RAD23B: variants seen among roughly 807,000 people sequenced by gnomAD.
The protein encoded by RAD23B is lysine-specific demethylase RAD23B.
RAD23B carries 5 observed loss-of-function variants against 49.1 expected under a neutral mutation model. The observed-to-expected ratio is 0.10, with a 90% confidence interval of 0.05 to 0.21. RAD23B has a LOEUF of 0.21. RAD23B is among the 10% of genes least tolerant of loss of function. The probability of loss-of-function intolerance (pLI) is 1.00; values close to 1 mark genes in which losing one functional copy is unlikely to be tolerated. For synonymous variants in RAD23B, 184 were observed against 165.4 expected, an observed-to-expected ratio of 1.11 and a Z score of -0.86; for missense variants, 356 against 486.7, an observed-to-expected ratio of 0.73 and a Z score of 2.53.
chr9:107,325,188 C>G (rs950351668), intron 9 of RAD23B, 184 bp downstream of exon 9: 2 of 426,854 alleles, frequency 4.7e-6, no homozygotes, highest in African/African-American at 4.1e-5. Flanking sequence ...GTGGCACATA[C>G]CTGTAATCTC....
At chr9:107,301,468 A>T (rs1826651245) in intron 2 of RAD23B, among the ~76,000 whole-genome samples, 1 of 152,176 alleles carries the variant, frequency 6.6e-6, no homozygotes, top group South Asian at 2.1e-4. Flanking sequence ...TAATCAATAC[A>T]TTTGTAAAAA....
intron 2 of RAD23B, among the ~76,000 whole-genome samples, chr9:107,300,867 T>TTC (rs1826636722): frequency 6.6e-6 from 1 of 152,230 alleles, no homozygotes. Flanking sequence ...TCTTCTCTTT[T>TTC]TCTGAATAGT....
intron 3 of RAD23B, among the ~76,000 whole-genome samples, chr9:107,305,069 G>C (rs1052462953): frequency 1.3e-5 from 2 of 152,042 alleles, no homozygotes; most frequent in African/African-American, 4.8e-5. Context: ...TGGGCGGATC[G>C]CTTGAGCTCA....
Position 107,330,592 on chromosome 9 carries a change from C to G in RAD23B, c.*936C>G, listed in dbSNP as rs1827288900. 3 of 152,598 alleles carry G rather than the reference C, an allele frequency of 2.0e-5. No individual in the cohort carries two copies. The highest frequency in any genetic ancestry group is 1.3e-4 in the Admixed American group (2 of 15,280). The allele number at this position is 152,598 out of a possible 1,614,324, so 9.5% of individuals were successfully genotyped here. A position where few individuals can be genotyped will look rare whatever the true frequency, so the allele number is the denominator to read the frequency against. On this transcript the variant is annotated 3_prime_UTR_variant, in exon 10 of 10. Coordinates refer to ENST00000358015, the MANE Select transcript of RAD23B (RefSeq NM_002874.5). The surrounding 1 kb of genome is among the most constrained non-coding windows in gnomAD (Gnocchi z 4.4). ...CAGCAAGTCGTGAGTCAAACTGCTG[C>G]CTTTTAAAAAACCCACAAAATGCTG...
chr9:107,283,869 G>A (rs1272115922), intron 1 of RAD23B, among the ~76,000 whole-genome samples, 174 bp downstream of exon 1: 1 of 152,204 alleles, frequency 6.6e-6, no homozygotes, highest in African/African-American at 2.4e-5. Flanking sequence ...TCCTGTCTTG[G>A]CCGTGGGCTT....
At chr9:107,313,720 C>G (rs2133086951) in intron 5 of RAD23B, among the ~76,000 whole-genome samples, 1 of 152,310 alleles carries the variant, frequency 6.6e-6, no homozygotes. Context: ...AACTAGAAAA[C>G]TTTAGAACCT....
chr9:107,283,788 A>C, intron 1 of RAD23B, 93 bp downstream of exon 1: 1 of 1,197,094 alleles, frequency 8.4e-7, no homozygotes, highest in African/African-American at 1.6e-5. Flanking sequence ...CCAGCGGGGG[A>C]AGCCCCGGAG....
intron 5 of RAD23B, among the ~76,000 whole-genome samples, chr9:107,315,508 TTTTTG>T (rs970007692): frequency 2.4e-4 from 36 of 152,102 alleles, no homozygotes; most frequent in African/African-American, 3.9e-4. Flanking sequence ...GTTTTTGTTT[TTTTTG>T]TTTTGTTTTG....
intron 5 of RAD23B, among the ~76,000 whole-genome samples, chr9:107,316,617 A>G (rs1827003736): frequency 1.3e-5 from 2 of 152,174 alleles, no homozygotes; most frequent in African/African-American, 4.8e-5. Flanking sequence ...CATTATTTTA[A>G]GCAAGATATC....
chr9:107,295,584 C>A (rs1188027542), intron 1 of RAD23B, among the ~76,000 whole-genome samples: 1 of 152,132 alleles, frequency 6.6e-6, no homozygotes, highest in Non-Finnish European at 1.5e-5. Flanking sequence ...CACCTGCAGA[C>A]AGTACGAGAG....
At chr9:107,301,903 G>T in intron 2 of RAD23B, 132 bp from the exon 3 acceptor site, 1 of 1,278,176 alleles carries the variant, frequency 7.8e-7, no homozygotes, top group East Asian at 2.6e-5. Context: ...AGTATTAACT[G>T]ATAGAATTTA....
intron 2 of RAD23B, among the ~76,000 whole-genome samples, chr9:107,301,611 C>G (rs1192466547): frequency 6.6e-6 from 1 of 152,094 alleles, no homozygotes; most frequent in Non-Finnish European, 1.5e-5. Context: ...TGATTATACT[C>G]GCTGTATCCT....
intron 3 of RAD23B, among the ~76,000 whole-genome samples, chr9:107,303,621 G>A (rs527471664): frequency 6.6e-6 from 1 of 152,174 alleles, no homozygotes; most frequent in South Asian, 2.1e-4. Context: ...CATATAAGTG[G>A]AATCCTATGG....
chr9:107,299,953 C>T (rs1254074992), intron 1 of RAD23B, among the ~76,000 whole-genome samples, 188 bp from the exon 2 acceptor site: 1 of 152,014 alleles, frequency 6.6e-6, no homozygotes, highest in Admixed American at 6.5e-5. Flanking sequence ...AAGTTTATGG[C>T]TATCATAACT....
chr9:107,284,816 T>C, intron 1 of RAD23B: 1 of 1,213,668 alleles, frequency 8.2e-7, no homozygotes, highest in Admixed American at 2.6e-5. Context: ...TTTGTGGTTT[T>C]GTAACTTATT....
chr9:107,328,641 C>T (rs1314364449), intron 9 of RAD23B, among the ~76,000 whole-genome samples: 1 of 152,116 alleles, frequency 6.6e-6, no homozygotes, highest in East Asian at 1.9e-4. Flanking sequence ...TTCACTTGTT[C>T]GCCCACTGCT....
chr9:107,323,536 T>A (rs575799406), intron 7 of RAD23B, among the ~76,000 whole-genome samples: 5 of 152,298 alleles, frequency 3.3e-5, no homozygotes, highest in Middle Eastern at 6.8e-3. Context: ...TTAGGAACTT[T>A]TAAGCAACAG....
intron 4 of RAD23B, among the ~76,000 whole-genome samples, chr9:107,310,506 A>C (rs1403821295): frequency 6.6e-6 from 1 of 152,194 alleles, no homozygotes; most frequent in Non-Finnish European, 1.5e-5. Flanking sequence ...ACATAGAATG[A>C]TTGTTAAGTT....
intron 3 of RAD23B, among the ~76,000 whole-genome samples, chr9:107,303,179 C>T (rs1053573154): frequency 6.0e-5 from 9 of 151,118 alleles, no homozygotes; most frequent in African/African-American, 2.2e-4. Context: ...TTGTCATAAT[C>T]TGAGAAAGAA....
Sources: allele counts gnomAD v4.1 joint callset (sites outside exome capture counted in the v4.1 genomes callset), GRCh38; gene constraint gnomAD v4.1.1; non-coding constraint Gnocchi (gnomAD v3.1); transcripts MANE v1.5; gene names NCBI Gene and HGNC (gene_info 2026-07-23, HGNC 2026-07-21).